Variants in CCSER1 observed in about 807,000 individuals in gnomAD.
CCSER1 encodes coiled-coil serine rich protein 1, also known as serine-rich coiled-coil domain-containing protein 1.
In CCSER1, 41 loss-of-function variants were observed where a neutral mutation model predicts 82.0. That is an observed-to-expected ratio of 0.50 (90% CI 0.39 to 0.65). CCSER1 has a LOEUF of 0.65. CCSER1 is among the 30% of genes least tolerant of loss of function. The probability of loss-of-function intolerance (pLI) is 0.00; values close to 1 mark genes in which losing one functional copy is unlikely to be tolerated. For synonymous variants in CCSER1, 414 were observed against 383.9 expected (o/e 1.08, Z -0.92); for missense variants, 1,119 against 1,064.2 (o/e 1.05, Z -0.72).
At chr4:91,469,516 C>T (rs1757144813) in intron 10 of CCSER1, among the ~76,000 whole-genome samples, 1 of 152,122 alleles carries the variant, frequency 6.6e-6, no homozygotes. Flanking sequence ...AGTTTTCCCC[C>T]TGTTATCCTT....
intron 8 of CCSER1, among the ~76,000 whole-genome samples, chr4:90,890,255 T>C (rs1291982309): frequency 1.3e-5 from 2 of 152,144 alleles, no homozygotes; most frequent in African/African-American, 2.4e-5. Flanking sequence ...TTCCTAGATA[T>C]GTGTCTATGA....
At position 90,923,563 on chromosome 4, in the gene CCSER1, A is replaced by G. The variant is rs1554044380; in HGVS notation, c.2172+116A>G. 1.5e-5 allele frequency: 10 copies of G among 673,676 alleles called. No individual in the cohort carries two copies. The East Asian group carries it at 2.5e-4, about 17-fold the overall frequency. The allele number at this position is 673,676 out of a possible 1,614,324, so 41.7% of individuals were successfully genotyped here. On this transcript the variant is annotated intron_variant, in intron 9 of 10. Transcript: ENST00000509176. Reference sequence around the variant, plus strand: ...TTGATTTAACAGGATTTAGCGGTGCACCATTCATCTTTTGCTCTTAAACAA... The same window carrying G: ...TTGATTTAACAGGATTTAGCGGTGCGCCATTCATCTTTTGCTCTTAAACAA...
chr4:91,180,221 C>T (rs1356922422), intron 10 of CCSER1, among the ~76,000 whole-genome samples: 1 of 152,212 alleles, frequency 6.6e-6, no homozygotes, highest in Admixed American at 6.5e-5. Flanking sequence ...TCAGCTGCTA[C>T]TGGGAGTTGT....
intron 7 of CCSER1, among the ~76,000 whole-genome samples, chr4:90,776,515 T>A (rs921276567): frequency 1.3e-5 from 2 of 152,214 alleles, no homozygotes; most frequent in Admixed American, 1.3e-4. Context: ...CCTATTAAGG[T>A]AAGCTAGCTA....
chr4:91,438,621 A>G (rs925457068), intron 10 of CCSER1, among the ~76,000 whole-genome samples: 2 of 152,210 alleles, frequency 1.3e-5, no homozygotes, highest in African/African-American at 4.8e-5. Flanking sequence ...CAACGGAACA[A>G]AGCTGGATGG....
rs138893104 is a variant in CCSER1, at chr4:90,902,683, G to A, written c.2095-20687G>A. On this transcript the variant is annotated intron_variant, in intron 8 of 10. Transcript: ENST00000509176. ...AGGGTGAGGAGGAAGGACTCAGGAAGCTTATTTTATGGACTAGCAGTGAGC... is the reference window on the plus strand; with the variant it reads ...AGGGTGAGGAGGAAGGACTCAGGAAACTTATTTTATGGACTAGCAGTGAGC... Among the ~76,000 whole-genome samples the A allele has an allele frequency of 2.5e-3, 374 of 152,160 alleles. 2 individuals carry two copies. The highest frequency in any genetic ancestry group is 8.8e-3 in the African/African-American group (364 of 41,544).
At chr4:91,554,455 C>G (rs572017694) in intron 10 of CCSER1, among the ~76,000 whole-genome samples, 2 of 150,762 alleles carry the variant, frequency 1.3e-5, no homozygotes, top group Non-Finnish European at 1.5e-5. Flanking sequence ...TACACAATAG[C>G]ACAAAAAAAT....
At chr4:90,580,410 T>TA (rs1464744328) in intron 5 of CCSER1, among the ~76,000 whole-genome samples, 1 of 152,182 alleles carries the variant, frequency 6.6e-6, no homozygotes, top group Non-Finnish European at 1.5e-5. Context: ...GGGAGTCATG[T>TA]ACTTAAGTAT....
intron 9 of CCSER1, among the ~76,000 whole-genome samples, chr4:90,926,012 A>G (rs1729014939): frequency 6.6e-6 from 1 of 152,066 alleles, no homozygotes; most frequent in Non-Finnish European, 1.5e-5. Flanking sequence ...CACTTTCAGT[A>G]TCATAAACTA....
At chr4:91,136,748 T>A (rs1728504405) in intron 10 of CCSER1, among the ~76,000 whole-genome samples, 2 of 152,198 alleles carry the variant, frequency 1.3e-5, no homozygotes, top group South Asian at 4.1e-4. Context: ...ATCTATTTAT[T>A]CATTTTGAGT....
chr4:90,951,639 G>A (rs1732924907), intron 9 of CCSER1, among the ~76,000 whole-genome samples: 1 of 152,040 alleles, frequency 6.6e-6, no homozygotes, highest in African/African-American at 2.4e-5. Context: ...TTAATGAAGA[G>A]ATGTTATCAA....
chr4:90,532,360 C>A (rs1774637225), intron 5 of CCSER1, among the ~76,000 whole-genome samples: 1 of 152,052 alleles, frequency 6.6e-6, no homozygotes, highest in Non-Finnish European at 1.5e-5. Flanking sequence ...TTAAACACTT[C>A]TTTTTCTTTG....
intron 9 of CCSER1, among the ~76,000 whole-genome samples, chr4:91,033,088 G>A (rs1027622044): frequency 5.3e-5 from 8 of 152,026 alleles, no homozygotes; most frequent in Admixed American, 3.3e-4. Context: ...AAGTAAATGA[G>A]ACAAATTAAG....
At chr4:90,442,946 A>G (rs548941544) in intron 4 of CCSER1, among the ~76,000 whole-genome samples, 1 of 151,182 alleles carries the variant, frequency 6.6e-6, no homozygotes, top group South Asian at 2.1e-4. Flanking sequence ...ATCCTCAGGG[A>G]TACATTCTAA....
chr4:91,481,064 C>T (rs1454932286), intron 10 of CCSER1, among the ~76,000 whole-genome samples: 1 of 100,398 alleles, frequency 1.0e-5, no homozygotes, highest in East Asian at 3.7e-4. Context: ...GCCCTCCCTT[C>T]CCCTCCCCTC....
intron 10 of CCSER1, among the ~76,000 whole-genome samples, chr4:91,087,816 A>G (rs193180849): frequency 9.9e-5 from 15 of 152,250 alleles, no homozygotes; most frequent in African/African-American, 3.1e-4. Flanking sequence ...GCACTGGGTT[A>G]CTTAAGCATA....
At chr4:90,568,149 A>G (rs2153652392) in intron 5 of CCSER1, among the ~76,000 whole-genome samples, 1 of 152,310 alleles carries the variant, frequency 6.6e-6, no homozygotes, top group East Asian at 1.9e-4. Context: ...GTTGAGAATA[A>G]TATGTATTCT....
intron 8 of CCSER1, among the ~76,000 whole-genome samples, chr4:90,921,704 G>A (rs1162871754): frequency 6.6e-6 from 1 of 151,942 alleles, no homozygotes; most frequent in Admixed American, 6.6e-5. Flanking sequence ...CATAATGGAA[G>A]CATTTGGCAG....
chr4:91,515,484 C>T (rs1329772343), intron 10 of CCSER1, among the ~76,000 whole-genome samples: 6 of 152,172 alleles, frequency 3.9e-5, no homozygotes. Context: ...CATTAGTTTA[C>T]TTAAGATAAT....
Sources: allele counts gnomAD v4.1 joint callset (sites outside exome capture counted in the v4.1 genomes callset), GRCh38; gene constraint gnomAD v4.1.1; transcripts MANE v1.5; gene names NCBI Gene and HGNC (gene_info 2026-07-23, HGNC 2026-07-21).